The following VWA8 variants were observed in gnomAD, a reference collection of about 807,000 sequenced individuals.
The protein encoded by VWA8 is von Willebrand factor A domain containing 8.
In VWA8, 221 loss-of-function variants were observed where a neutral mutation model predicts 241.5. The ratio of observed to expected loss-of-function variants is 0.91; its 90% confidence interval spans 0.82 to 1.02. The LOEUF (loss-of-function observed/expected upper bound fraction) is 1.02, where lower values mean the gene tolerates loss of function less well. Among genes scored for constraint, VWA8 ranks in the 50% least tolerant of loss-of-function variants. VWA8 has a pLI of 0.00. For missense variants in VWA8, 2,322 were observed against 2,328.7 expected, an observed-to-expected ratio of 1.00 and a Z score of 0.06; for synonymous variants, 852 against 827.1, an observed-to-expected ratio of 1.03 and a Z score of -0.52.
Position 41,571,327 on chromosome 13 carries a change from C to T in VWA8, c.5371-621G>A, listed in dbSNP as rs1404705582. ...CTCTCCCTCCTCCCTCTCCCTCTCC[C>T]GTCTCCCTCTCCCTCTCCCGTCTCC... is the stretch of plus-strand genomic sequence containing the variant. On this transcript the variant is annotated intron_variant, in intron 43 of 44. Coordinates refer to ENST00000379310, the MANE Select transcript of VWA8 (RefSeq NM_015058.2). Among the ~76,000 whole-genome samples, 7 of 99,720 alleles carry T rather than the reference C, an allele frequency of 7.0e-5. No individual in the cohort carries two copies. In the South Asian group the frequency reaches 1.5e-3, roughly 22 times the overall value. 65.4% of individuals were successfully genotyped at this position (99,720 alleles called of 152,430 possible).
chr13:41,774,321 A>G (rs780699201), intron 20 of VWA8, among the ~76,000 whole-genome samples: 2 of 151,962 alleles, frequency 1.3e-5, no homozygotes, highest in Non-Finnish European at 2.9e-5. Context: ...TGTATTTTTT[A>G]AAGTAGAGAC....
chr13:41,573,129 A>T (rs1270336582), intron 43 of VWA8, among the ~76,000 whole-genome samples: 1 of 145,928 alleles, frequency 6.9e-6, no homozygotes, highest in Non-Finnish European at 1.5e-5. Flanking sequence ...AAAAAAAAAG[A>T]AACAAGCCAG....
intron 16 of VWA8, among the ~76,000 whole-genome samples, chr13:41,812,334 A>G (rs962521565): frequency 1.3e-5 from 2 of 152,156 alleles, no homozygotes; most frequent in Non-Finnish European, 2.9e-5. Flanking sequence ...TTCCTAACTT[A>G]GATCAGCAGC....
At chr13:41,644,512 C>G (rs147720952) in intron 37 of VWA8, among the ~76,000 whole-genome samples, 12 of 152,348 alleles carry the variant, frequency 7.9e-5, no homozygotes, top group Middle Eastern at 3.4e-3. Flanking sequence ...TGTGTTTTCT[C>G]TAGCTACTCT....
intron 9 of VWA8, among the ~76,000 whole-genome samples, chr13:41,872,706 G>A (rs967183510): frequency 7.2e-5 from 11 of 151,944 alleles, no homozygotes; most frequent in Admixed American, 6.6e-4. Context: ...TTTGGTTACT[G>A]TAGCCTTGTA....
chr13:41,787,709 A>C (rs1392212363), intron 17 of VWA8, among the ~76,000 whole-genome samples, 166 bp from the exon 18 acceptor site: 1 of 152,154 alleles, frequency 6.6e-6, no homozygotes, highest in Non-Finnish European at 1.5e-5. Context: ...AAAATTTTAG[A>C]ATAAATATAA....
intron 17 of VWA8, among the ~76,000 whole-genome samples, chr13:41,804,730 C>A (rs74745147): frequency 0.02 from 3,006 of 151,962 alleles, 87 homozygotes; most frequent in African/African-American, 0.068. Context: ...ATAGATAGTA[C>A]AATAAGATAT....
At chr13:41,941,913 C>T (rs1041344255) in intron 2 of VWA8, among the ~76,000 whole-genome samples, 1 of 152,112 alleles carries the variant, frequency 6.6e-6, no homozygotes, top group African/African-American at 2.4e-5. Context: ...TAATTTCCAC[C>T]CCAGCAATCA....
intron 12 of VWA8, among the ~76,000 whole-genome samples, chr13:41,846,552 T>G (rs1872298483): frequency 6.6e-6 from 1 of 152,182 alleles, no homozygotes; most frequent in Admixed American, 6.5e-5. Flanking sequence ...AAACAAACTA[T>G]AAATATGTTC....
intron 4 of VWA8, among the ~76,000 whole-genome samples, chr13:41,901,108 A>ATT (rs34752001): frequency 0.023 from 2,870 of 123,544 alleles, 53 homozygotes; most frequent in Middle Eastern, 0.086. Context: ...CATGATCATC[A>ATT]TTTTTTTTTT....
At chr13:41,889,523 C>T (rs753665372) in intron 5 of VWA8, among the ~76,000 whole-genome samples, 4 of 151,908 alleles carry the variant, frequency 2.6e-5, no homozygotes, top group East Asian at 1.9e-4. Context: ...GGATTACAGG[C>T]GCATGCCACC....
At chr13:41,704,974 A>G (rs1466775675) in intron 26 of VWA8, among the ~76,000 whole-genome samples, 2 of 152,244 alleles carry the variant, frequency 1.3e-5, no homozygotes, top group Non-Finnish European at 2.9e-5. Context: ...TAAAGTAAAA[A>G]GTAGTCTGAC....
Position 41,868,389 on chromosome 13 carries a change from G to A in VWA8, c.1169C>T (p.Ala390Val), listed in dbSNP as rs536324286. ...EKMMENHVSQ[A>V]SVTIRIADKE... The stretch of plus-strand genomic sequence containing the variant: ...ATCTGCAATCCGGATGGTCACAGAA[G>A]CTTGGGACACATGGTTTTCCATCAT... Residue 390 changes from alanine to valine, a missense_variant, in exon 10 of 45, where the codon GCT becomes GTT. Physicochemically the swap from Ala to Val is moderately conservative, Grantham distance 64 (BLOSUM62 0). Transcript: ENST00000379310. 5.0e-6 allele frequency: 8 copies of A among 1,614,004 alleles called. No homozygotes were observed. Among genetic ancestry groups the A allele is most frequent in the Non-Finnish European group, 6.8e-6 (8 of 1,180,008 alleles).
At chr13:41,663,758 G>A (rs1202076305) in intron 37 of VWA8, among the ~76,000 whole-genome samples, 1 of 151,378 alleles carries the variant, frequency 6.6e-6, no homozygotes, top group African/African-American at 2.4e-5. Flanking sequence ...TACAGTCCCC[G>A]ACTTACGATG....
intron 20 of VWA8, among the ~76,000 whole-genome samples, chr13:41,774,776 A>G (rs1244104957): frequency 6.6e-6 from 1 of 152,214 alleles, no homozygotes; most frequent in East Asian, 1.9e-4. Flanking sequence ...GAAAAAAGAA[A>G]AGGCCCTAAT....
At chr13:41,716,135 G>A (rs2045346515) in intron 26 of VWA8, among the ~76,000 whole-genome samples, 1 of 151,930 alleles carries the variant, frequency 6.6e-6, no homozygotes, top group Non-Finnish European at 1.5e-5. Flanking sequence ...GCAGTGGGTG[G>A]GTGGGGTCTA....
At chr13:41,659,702 G>A (rs961429035) in intron 37 of VWA8, among the ~76,000 whole-genome samples, 20 of 152,066 alleles carry the variant, frequency 1.3e-4, no homozygotes, top group African/African-American at 4.8e-4. Flanking sequence ...CATAAATACA[G>A]AAATACTTAA....
chr13:41,580,885 G>A (rs1009789823), intron 42 of VWA8, among the ~76,000 whole-genome samples: 1 of 152,106 alleles, frequency 6.6e-6, no homozygotes, highest in African/African-American at 2.4e-5. Context: ...AAACTTAATG[G>A]TATGTTTAAG....
intron 35 of VWA8, among the ~76,000 whole-genome samples, chr13:41,677,612 C>G (rs1452580142): frequency 6.6e-6 from 1 of 152,026 alleles, no homozygotes; most frequent in Non-Finnish European, 1.5e-5. Flanking sequence ...TGAGTTGGCC[C>G]TAGTGAAATA....
Sources: gnomAD v4.1 joint callset for allele counts (sites outside exome capture counted in the v4.1 genomes callset) on GRCh38, gnomAD v4.1.1 for gene constraint, MANE v1.5 for transcripts, NCBI Gene and HGNC (gene_info 2026-07-23, HGNC 2026-07-21) for gene names.